The following THRB variants were observed in gnomAD, a reference collection of about 807,000 sequenced individuals.
THRB encodes nuclear receptor subfamily 1 group A member 2.
A neutral mutation model predicts 47.8 loss-of-function variants in THRB; 12 were observed. That is an observed-to-expected ratio of 0.25 (90% CI 0.16 to 0.41). THRB has a LOEUF of 0.41. Ranked by LOEUF, THRB falls within the 10% of genes least tolerant of loss-of-function variation. THRB has a pLI of 1.00. For missense variants in THRB, 348 were observed against 589.2 expected (o/e 0.59, Z 4.24); for synonymous variants, 218 against 212.2 (o/e 1.03, Z -0.24).
chr3:24,125,630 G>T (rs764418924), intron 10 of THRB, among the ~76,000 whole-genome samples: 1 of 152,228 alleles, frequency 6.6e-6, no homozygotes, highest in Admixed American at 6.5e-5. Context: ...TCTCCTGAAC[G>T]ACTGTGGGCC....
intron 1 of THRB, among the ~76,000 whole-genome samples, chr3:24,390,795 A>ATT (rs60435781): frequency 1.7e-5 from 1 of 59,158 alleles, no homozygotes; most frequent in African/African-American, 5.2e-5. Flanking sequence ...AAAAAAAAAA[A>ATT]AAATATATAT....
chr3:24,147,656 G>A lies in THRB; in HGVS notation c.385-834C>T, dbSNP rs187252797. ...GTGCAATACTAGAATTTTTCTGGACGTGATCCTCAAGTTGAGGCAACTGTC... is the reference window on the plus strand; with the variant it reads ...GTGCAATACTAGAATTTTTCTGGACATGATCCTCAAGTTGAGGCAACTGTC... On this transcript the variant is annotated intron_variant, in intron 6 of 10. Coordinates refer to ENST00000646209, the MANE Select transcript of THRB (RefSeq NM_001354712.2). 3.8e-3 allele frequency among the ~76,000 whole-genome samples: 573 copies of A among 152,258 alleles called. 2 individuals carry two copies. Among genetic ancestry groups the A allele is most frequent in the Non-Finnish European group, 4.3e-3 (294 of 68,006 alleles).
At chr3:24,377,493 A>T (rs1005047781) in intron 1 of THRB, among the ~76,000 whole-genome samples, 1 of 152,096 alleles carries the variant, frequency 6.6e-6, no homozygotes, top group African/African-American at 2.4e-5. Context: ...TGTTCTAGGG[A>T]TGGGGAAATA....
At chr3:24,406,675 G>C (rs559806387) in intron 1 of THRB, among the ~76,000 whole-genome samples, 1 of 151,768 alleles carries the variant, frequency 6.6e-6, no homozygotes, top group African/African-American at 2.4e-5. Context: ...GTTTAGAGCT[G>C]TTAAGATGAT....
chr3:24,203,678 C>T (rs1224673240), intron 4 of THRB, among the ~76,000 whole-genome samples: 1 of 152,116 alleles, frequency 6.6e-6, no homozygotes, highest in Non-Finnish European at 1.5e-5. Context: ...TGGGTGCAGC[C>T]CACTGAGTGT....
At chr3:24,468,211 G>A (rs1189221060) in intron 1 of THRB, among the ~76,000 whole-genome samples, 1 of 152,172 alleles carries the variant, frequency 6.6e-6, no homozygotes, top group African/African-American at 2.4e-5. Flanking sequence ...GGGCTTTGCT[G>A]TAGATTAGGC....
intron 9 of THRB, among the ~76,000 whole-genome samples, chr3:24,129,155 A>G (rs995456700): frequency 6.6e-6 from 1 of 152,180 alleles, no homozygotes; most frequent in Non-Finnish European, 1.5e-5. Context: ...AAGTCATTGC[A>G]TATTTGATTC....
At chr3:24,169,484 C>A (rs368478477) in intron 5 of THRB, among the ~76,000 whole-genome samples, 1 of 151,948 alleles carries the variant, frequency 6.6e-6, no homozygotes, top group East Asian at 1.9e-4. Flanking sequence ...CACTGGACTG[C>A]CAACTTCTGG....
intron 1 of THRB, among the ~76,000 whole-genome samples, chr3:24,338,985 A>C (rs567201168): frequency 4.6e-5 from 7 of 152,258 alleles, no homozygotes; most frequent in Non-Finnish European, 1.0e-4. Context: ...AAGGCAATTA[A>C]GAAGCTTATT....
chr3:24,169,564 C>T (rs967393913), intron 5 of THRB, among the ~76,000 whole-genome samples: 5 of 151,522 alleles, frequency 3.3e-5, no homozygotes, highest in Non-Finnish European at 7.4e-5. Flanking sequence ...AAACAGATAA[C>T]GGTAGTCACT....
chr3:24,463,964 C>T lies in THRB; in HGVS notation c.-261+30688G>A, dbSNP rs192917603. Among the ~76,000 whole-genome samples, 281 of 152,170 alleles carry T rather than the reference C, an allele frequency of 1.8e-3. 2 individuals are homozygous for T. The East Asian group carries it at 0.024, about 13-fold the overall frequency. On this transcript the variant is annotated intron_variant, in intron 1 of 10. Transcript: ENST00000646209. Reference sequence around the variant, plus strand: ...TAAGAACACTCTTAAGAAATGGTTGCGGCTGGGCGCGGTGGCTCACGCCTG... The same window carrying T: ...TAAGAACACTCTTAAGAAATGGTTGTGGCTGGGCGCGGTGGCTCACGCCTG...
At chr3:24,367,148 T>C (rs141978201) in intron 1 of THRB, among the ~76,000 whole-genome samples, 39 of 152,328 alleles carry the variant, frequency 2.6e-4, no homozygotes, top group African/African-American at 9.4e-4. Flanking sequence ...TTCAAAGAAC[T>C]TTCAGCATAG....
At chr3:24,237,260 T>C (rs1304241562) in intron 3 of THRB, among the ~76,000 whole-genome samples, 1 of 152,186 alleles carries the variant, frequency 6.6e-6, no homozygotes, top group Non-Finnish European at 1.5e-5. Context: ...AGCAAATGAC[T>C]GTTGAATGGC....
chr3:24,202,653 T>C (rs534157816), intron 4 of THRB, among the ~76,000 whole-genome samples: 1 of 152,362 alleles, frequency 6.6e-6, no homozygotes, highest in South Asian at 2.1e-4. Flanking sequence ...ATTTTGAGTT[T>C]ATGATACTGA....
At chr3:24,366,660 C>T (rs1273257712) in intron 1 of THRB, among the ~76,000 whole-genome samples, 1 of 135,456 alleles carries the variant, frequency 7.4e-6, no homozygotes, top group Non-Finnish European at 1.5e-5. Flanking sequence ...CTCTCTCTGT[C>T]ACCAGGCTGG....
Position 24,346,538 on chromosome 3 carries a change from T to TAA in THRB, c.-260-9169_-260-9168dup, listed in dbSNP as rs200468821. 1.4e-3 allele frequency among the ~76,000 whole-genome samples: 216 copies of TAA among 152,140 alleles called. 4 individuals carry two copies. The highest frequency in any genetic ancestry group is 0.014 in the Admixed American group (208 of 15,280). ...AATCTACATATACTATATTATTTTT[T>TAA]AAATCCCAGTTAAATGCTGCTTAAC... On this transcript the variant is annotated intron_variant, in intron 1 of 10. Coordinates refer to ENST00000646209, the MANE Select transcript of THRB (RefSeq NM_001354712.2).
intron 1 of THRB, among the ~76,000 whole-genome samples, chr3:24,370,316 G>GA (rs2064812440): frequency 6.6e-6 from 1 of 151,852 alleles, no homozygotes; most frequent in African/African-American, 2.4e-5. Context: ...TCTTTATTTT[G>GA]AAAAAAATAC....
intron 1 of THRB, among the ~76,000 whole-genome samples, chr3:24,463,524 C>T (rs2073882208): frequency 6.6e-6 from 1 of 152,172 alleles, no homozygotes; most frequent in South Asian, 2.1e-4. Flanking sequence ...CCACAAAGTG[C>T]TGGGATTACA....
At chr3:24,470,457 T>G (rs1229449220) in intron 1 of THRB, among the ~76,000 whole-genome samples, 1 of 152,192 alleles carries the variant, frequency 6.6e-6, no homozygotes, top group Non-Finnish European at 1.5e-5. Context: ...GCTCAACCTC[T>G]CTAAATCTAC....
Sources: gnomAD v4.1 joint callset for allele counts (sites outside exome capture counted in the v4.1 genomes callset) on GRCh38, gnomAD v4.1.1 for gene constraint, MANE v1.5 for transcripts, NCBI Gene and HGNC (gene_info 2026-07-23, HGNC 2026-07-21) for gene names.